The following GGT5 variants were observed in gnomAD, a reference collection of about 807,000 sequenced individuals.
The protein encoded by GGT5 is glutathione hydrolase 5 proenzyme.
GGT5 carries 50 observed loss-of-function variants against 58.1 expected under a neutral mutation model. That is an observed-to-expected ratio of 0.86 (90% CI 0.69 to 1.09). GGT5 has a LOEUF of 1.09. Among genes scored for constraint, GGT5 ranks in the 50% least tolerant of loss-of-function variants. The probability of loss-of-function intolerance (pLI) is 0.00; values close to 1 mark genes in which losing one functional copy is unlikely to be tolerated. For synonymous variants in GGT5, 370 were observed against 346.1 expected, an observed-to-expected ratio of 1.07 and a Z score of -0.77; for missense variants, 800 against 789.4, an observed-to-expected ratio of 1.01 and a Z score of -0.16.
chr22:24,239,809 T>C (rs371276177), intron 1 of GGT5, among the ~76,000 whole-genome samples: 5 of 151,928 alleles, frequency 3.3e-5, no homozygotes, highest in Admixed American at 2.6e-4. Flanking sequence ...AGGCTGGGCG[T>C]GGTGGCTCAC....
rs183990532 is a variant in GGT5 at position 24,225,575 on chromosome 22, G to A, written c.1307C>T (p.Pro436Leu). Residue 436 changes from proline to leucine, a missense_variant, in exon 9 of 12, where the codon CCC (proline) becomes CTC (leucine). Transcript: ENST00000327365. Reference sequence around the variant, plus strand: ...TGAGGGGGTGGTGCCGGAACCCCGGGGGCATCGCTCGCATAAGTCCAGGAG... The same window carrying A: ...TGAGGGGGTGGTGCCGGAACCCCGGAGGCATCGCTCGCATAAGTCCAGGAG... ...NELLDLCERC[P>L]RGSGTTPSPV... 1.2e-6 allele frequency: 2 copies of A among 1,612,780 alleles called. No individual in the cohort carries two copies. Among genetic ancestry groups the A allele is most frequent in the African/African-American group, 1.3e-5 (1 of 75,006 alleles).
At chr22:24,238,268 G>A (rs549173404) in intron 1 of GGT5, among the ~76,000 whole-genome samples, 10 of 148,598 alleles carry the variant, frequency 6.7e-5, no homozygotes, top group South Asian at 2.2e-4. Flanking sequence ...GGTGACTCAC[G>A]CCTGTAATCT....
chr22:24,225,263 GA>G lies in GGT5; in HGVS notation c.1484del (p.Ile495ThrfsTer10), dbSNP rs1569354545. ...GACTCACCTGGGCCACAGCAGAGAT[GA>G]TGAGCTCCCCGCCAGCCCCGCCAAT... ...LVIGGAGGELIISAVAQAIMS... is the reference protein window; with the variant it reads ...LVIGGAGGELXISAVAQAIMS... On this transcript the variant is annotated frameshift_variant, in exon 10 of 12. Coordinates refer to ENST00000327365, the MANE Select transcript of GGT5 (RefSeq NM_004121.5). LOFTEE classifies it high-confidence loss of function. 1 of 1,613,520 alleles carries G rather than the reference GA, an allele frequency of 6.2e-7. No individual in the cohort carries two copies. Among genetic ancestry groups the G allele is most frequent in the Admixed American group, 1.7e-5 (1 of 60,004 alleles).
chr22:24,221,986 C>T lies in GGT5; in HGVS notation c.1615-1870G>A, dbSNP rs535185769. Among the ~76,000 whole-genome samples the T allele has an allele frequency of 7.2e-4, 110 of 151,924 alleles. 1 individual carries two copies. In the South Asian group the frequency reaches 8.7e-3, roughly 12 times the overall value. ...CTGAGGTCAGGAGTTTGAGACCAGC[C>T]TGGCCAACATGGAGAAACGCTGTTT... is the stretch of plus-strand genomic sequence containing the variant. On this transcript the variant is annotated intron_variant, in intron 11 of 11. Transcript: ENST00000327365.
rs779000368 is a variant in GGT5, at chr22:24,226,658, C to T, written c.1011G>A (p.Gly337=). 1.7e-5 allele frequency: 28 copies of T among 1,613,974 alleles called. 1 individual carries two copies. The South Asian group carries it at 2.7e-4, about 16-fold the overall frequency. ...GGAGCTTCGGGTGGCTTCGAGGGTCCCCCAGCCTCCACCTCTGCCCCTTGG... is the reference window on the plus strand; with the variant it reads ...GGAGCTTCGGGTGGCTTCGAGGGTCTCCCAGCCTCCACCTCTGCCCCTTGG... The part of the protein sequence containing the change: ...KFAKGQRWRL[G]DPRSHPKLQN... The change falls in exon 7 of 12, where the codon GGG becomes GGA. Residue 337 remains glycine, a synonymous_variant. Transcript: ENST00000327365.
intron 11 of GGT5, among the ~76,000 whole-genome samples, chr22:24,223,559 C>T (rs912031562): frequency 6.6e-6 from 1 of 152,002 alleles, no homozygotes; most frequent in Non-Finnish European, 1.5e-5. Flanking sequence ...CTGCAAACTC[C>T]AAGAGTTTGA....
rs755931265 is a variant in GGT5, at chr22:24,231,358, G to A, written c.901+26C>T. The A allele has an allele frequency of 1.2e-5, 18 of 1,509,000 alleles. No individual in the cohort carries two copies. The East Asian group carries it at 1.7e-4, about 14-fold the overall frequency. The allele number at this position is 1,509,000 out of a possible 1,614,324, so 93.5% of individuals were successfully genotyped here. On this transcript the variant is annotated intron_variant, in intron 6 of 11. Coordinates refer to ENST00000327365, the MANE Select transcript of GGT5 (RefSeq NM_004121.5). The stretch of plus-strand genomic sequence containing the variant: ...CGGGGGTGCGGGGGAGGGGGTGGGC[G>A]CCAGGGCTCTGGGCAGGGGCTTTAC...
intron 8 of GGT5, 68 bp from the exon 9 acceptor site, chr22:24,225,720 C>T: frequency 1.1e-6 from 1 of 924,176 alleles, no homozygotes; most frequent in South Asian, 1.4e-5. Context: ...ACTTACCCTG[C>T]ACGCTTTGCA....
intron 6 of GGT5, among the ~76,000 whole-genome samples, chr22:24,229,082 A>G (rs887043649): frequency 7.3e-5 from 11 of 150,812 alleles, no homozygotes; most frequent in Non-Finnish European, 1.3e-4. Context: ...TGACAAGAGC[A>G]AAACTCCATC....
At chr22:24,235,833 G>A (rs1264341077) in intron 1 of GGT5, among the ~76,000 whole-genome samples, 1 of 151,796 alleles carries the variant, frequency 6.6e-6, no homozygotes, top group East Asian at 2.0e-4. Context: ...AGGGCAAAAT[G>A]GGGTAAATGG....
chr22:24,225,277 C>T lies in GGT5; in HGVS notation c.1471G>A (p.Gly491Ser). 2 of 1,613,932 alleles carry T rather than the reference C, an allele frequency of 1.2e-6. No individual in the cohort carries two copies. The highest frequency in any genetic ancestry group is 1.7e-6 in the Non-Finnish European group (2 of 1,179,976). ...QGSKLVIGGA[G>S]GELIISAVAQ... ...ACAGCAGAGATGATGAGCTCCCCGCCAGCCCCGCCAATCACTAGCTTCGAC... is the reference window on the plus strand; with the variant it reads ...ACAGCAGAGATGATGAGCTCCCCGCTAGCCCCGCCAATCACTAGCTTCGAC... The change falls in exon 10 of 12, where the codon GGC becomes AGC. Residue 491 changes from glycine to serine, a missense_variant. Transcript: ENST00000327365.
intron 6 of GGT5, 63 bp downstream of exon 6, chr22:24,231,321 G>C: frequency 2.4e-6 from 3 of 1,238,618 alleles, no homozygotes; most frequent in Admixed American, 2.1e-5. Context: ...TGGAGTCTGA[G>C]TTCCCGGGGG....
rs1157549347 is a variant in GGT5, at chr22:24,228,063, AAAAC to A, written c.902-1300_902-1297del. ...GACTCTGTCTCAAAAAAAAAAAAAA[AAAAC>A]AAAACAAAAAAAAAAAAACTCTGAA... On this transcript the variant is annotated intron_variant, in intron 6 of 11. Coordinates refer to ENST00000327365, the MANE Select transcript of GGT5 (RefSeq NM_004121.5). Among the ~76,000 whole-genome samples the A allele has an allele frequency of 7.2e-5, 8 of 111,068 alleles. 1 individual carries two copies. Among genetic ancestry groups the A allele is most frequent in the African/African-American group, 2.6e-4 (6 of 23,422 alleles). 72.9% of individuals were successfully genotyped at this position (111,068 alleles called of 152,430 possible).
chr22:24,222,921 C>CAA (rs772462850), intron 11 of GGT5, among the ~76,000 whole-genome samples: 3 of 151,752 alleles, frequency 2.0e-5, no homozygotes, highest in Non-Finnish European at 4.4e-5. Flanking sequence ...ACTAAAAATA[C>CAA]AAAAAATTAG....
Position 24,244,837 on chromosome 22 carries a change from G to C in GGT5, c.-112C>G, listed in dbSNP as rs1445657891. 3 of 1,452,718 alleles carry C rather than the reference G, an allele frequency of 2.1e-6. No homozygotes were observed. The highest frequency in any genetic ancestry group is 2.7e-6 in the Non-Finnish European group (3 of 1,102,216). The allele number at this position is 1,452,718 out of a possible 1,614,324, so 90.0% of individuals were successfully genotyped here. ...AGAGTCACAGGTAATTGGACAGATGGACAAACAGGTGGGGGCTGAAGACAG... is the reference window on the plus strand; with the variant it reads ...AGAGTCACAGGTAATTGGACAGATGCACAAACAGGTGGGGGCTGAAGACAG... On this transcript the variant is annotated 5_prime_UTR_variant, in exon 1 of 12. Transcript: ENST00000327365.
chr22:24,233,454 A>C (rs1198782350), intron 3 of GGT5, 44 bp downstream of exon 3: 2 of 1,104,390 alleles, frequency 1.8e-6, no homozygotes, highest in Middle Eastern at 3.0e-4. Context: ...GATTAGTCCT[A>C]GTGGCCTGGG....
chr22:24,233,770 A>G (rs551553001), intron 2 of GGT5, 104 bp downstream of exon 2: 11 of 1,191,260 alleles, frequency 9.2e-6, no homozygotes, highest in Non-Finnish European at 1.4e-5. Flanking sequence ...GGGGCCCAAG[A>G]ACACCCAGAA....
chr22:24,226,707 T>G lies in GGT5; in HGVS notation c.962A>C (p.His321Pro). ...GGCAAACTTGAGCGTCTCTACAAGG[T>G]GGTGGTACACGTTCACCCTCCCTTC... ...RPEGRVNVYHHLVETLKFAKG... is the reference protein window; with the variant it reads ...RPEGRVNVYHPLVETLKFAKG... Residue 321 changes from histidine (H) to proline (P), a missense_variant, in exon 7 of 12, where the codon CAC (histidine) becomes CCC (proline). Transcript: ENST00000327365. The G allele has an allele frequency of 5.0e-6, 8 of 1,613,564 alleles. No individual in the cohort carries two copies. The highest frequency in any genetic ancestry group is 6.8e-6 in the Non-Finnish European group (8 of 1,179,626).
intron 6 of GGT5, 60 bp downstream of exon 6, chr22:24,231,324 C>G (rs2047929955): frequency 1.6e-6 from 2 of 1,231,708 alleles, no homozygotes; most frequent in Non-Finnish European, 2.2e-6. Flanking sequence ...AGTCTGAGTT[C>G]CCGGGGGCCG....
Sources: gnomAD v4.1 joint callset for allele counts (sites outside exome capture counted in the v4.1 genomes callset) on GRCh38, gnomAD v4.1.1 for gene constraint, MANE v1.5 for transcripts, NCBI Gene and HGNC (gene_info 2026-07-23, HGNC 2026-07-21) for gene names.